Variants in RPS6KC1 observed in about 807,000 individuals in gnomAD.
RPS6KC1 encodes the protein inactive ribosomal protein S6 kinase delta-1.
A neutral mutation model predicts 103.8 loss-of-function variants in RPS6KC1; 54 were observed. That is an observed-to-expected ratio of 0.52 (90% CI 0.42 to 0.65). RPS6KC1 has a LOEUF of 0.65. Among genes scored for constraint, RPS6KC1 ranks in the 30% least tolerant of loss-of-function variants. RPS6KC1 has a pLI of 0.00. For missense variants in RPS6KC1, 1,151 were observed against 1,253.8 expected (o/e 0.92, Z 1.24); for synonymous variants, 439 against 438.7 (o/e 1.00, Z -0.01).
chr1:213,312,768 T>C, the RPS6KC1 span, among the ~76,000 whole-genome samples: 1 of 152,236 alleles, frequency 6.6e-6, no homozygotes, highest in Non-Finnish European at 1.5e-5. Flanking sequence ...GATCCATTAG[T>C]AGCAATTACC....
At chr1:213,188,936 G>A (rs1318951293) in intron 8 of RPS6KC1, among the ~76,000 whole-genome samples, 1 of 151,946 alleles carries the variant, frequency 6.6e-6, no homozygotes, top group Non-Finnish European at 1.5e-5. Flanking sequence ...AAAAGAGTAA[G>A]GTGGGAGAGT....
the RPS6KC1 span, among the ~76,000 whole-genome samples, chr1:213,420,618 T>G: frequency 6.6e-6 from 1 of 152,120 alleles, no homozygotes; most frequent in Non-Finnish European, 1.5e-5. Context: ...AGTTGTCTGC[T>G]TCACGGCCCA....
the RPS6KC1 span, among the ~76,000 whole-genome samples, chr1:213,816,829 T>C: frequency 6.6e-6 from 1 of 152,168 alleles, no homozygotes; most frequent in South Asian, 2.1e-4. Flanking sequence ...CTCATTTTCC[T>C]CAATAGTCAA....
the RPS6KC1 span, among the ~76,000 whole-genome samples, chr1:213,414,816 G>A: frequency 1.4e-5 from 2 of 145,208 alleles, no homozygotes; most frequent in African/African-American, 5.0e-5. Flanking sequence ...TAGTTGGGGG[G>A]CAGGGTGGGG....
At chr1:213,109,281 C>T (rs367924402) in intron 4 of RPS6KC1, among the ~76,000 whole-genome samples, 12 of 151,990 alleles carry the variant, frequency 7.9e-5, no homozygotes, top group Non-Finnish European at 1.6e-4. Context: ...GGATGACAGG[C>T]GCCCGCCAGC....
At chr1:213,454,499 A>T in the RPS6KC1 span, among the ~76,000 whole-genome samples, 1 of 152,228 alleles carries the variant, frequency 6.6e-6, no homozygotes, top group Non-Finnish European at 1.5e-5. Context: ...GGGCACACAC[A>T]GGTGTAATTC....
the RPS6KC1 span, among the ~76,000 whole-genome samples, chr1:213,309,976 C>T: frequency 1.3e-5 from 2 of 152,138 alleles, no homozygotes; most frequent in African/African-American, 4.8e-5. Context: ...TGAGCCACTG[C>T]GCCCAGCAGA....
chr1:213,630,274 GT>G, the RPS6KC1 span, among the ~76,000 whole-genome samples: 5 of 151,902 alleles, frequency 3.3e-5, no homozygotes, highest in African/African-American at 1.2e-4. Context: ...TGGAGGCTTT[GT>G]TTCTTTTTAT....
At chr1:213,633,919 G>C in the RPS6KC1 span, among the ~76,000 whole-genome samples, 2 of 110,948 alleles carry the variant, frequency 1.8e-5, no homozygotes, top group African/African-American at 6.8e-5. Context: ...AAAAAGCAGG[G>C]GTTGCAATCC....
chr1:213,334,418 C>A, the RPS6KC1 span, among the ~76,000 whole-genome samples: 1 of 152,186 alleles, frequency 6.6e-6, no homozygotes, highest in Non-Finnish European at 1.5e-5. Flanking sequence ...TAAGTACTCA[C>A]AGGACTGTGG....
At chr1:213,088,750 C>A (rs1363220562) in intron 3 of RPS6KC1, among the ~76,000 whole-genome samples, 1 of 152,162 alleles carries the variant, frequency 6.6e-6, no homozygotes, top group Non-Finnish European at 1.5e-5. Flanking sequence ...TATTGATACT[C>A]TGATTTAGGA....
At chr1:213,647,056 G>T in the RPS6KC1 span, among the ~76,000 whole-genome samples, 1 of 151,398 alleles carries the variant, frequency 6.6e-6, no homozygotes, top group Non-Finnish European at 1.5e-5. Context: ...CATCACTACC[G>T]CCCGTAATAC....
the RPS6KC1 span, among the ~76,000 whole-genome samples, chr1:213,555,493 C>T: frequency 0.63 from 95,938 of 151,906 alleles, 30,662 homozygotes; most frequent in East Asian, 0.86. Context: ...GACAGGGTCC[C>T]ACTCTGTCAC....
the RPS6KC1 span, among the ~76,000 whole-genome samples, chr1:213,824,284 C>A: frequency 1.1e-4 from 17 of 152,314 alleles, no homozygotes; most frequent in Admixed American, 9.1e-4. Flanking sequence ...TGTTTCCCAG[C>A]CCAGTTGAAG....
At chr1:213,858,387 C>G in the RPS6KC1 span, among the ~76,000 whole-genome samples, 349 of 152,188 alleles carry the variant, frequency 2.3e-3, no homozygotes, top group African/African-American at 7.9e-3. Context: ...TTCTAAGGAC[C>G]ATGATGTGTT....
chr1:213,855,233 T>C, the RPS6KC1 span, among the ~76,000 whole-genome samples: 1 of 152,196 alleles, frequency 6.6e-6, no homozygotes, highest in Non-Finnish European at 1.5e-5. Context: ...CAAAGTCAAA[T>C]GGACACAAAT....
chr1:213,605,968 A>G, the RPS6KC1 span, among the ~76,000 whole-genome samples: 2 of 152,242 alleles, frequency 1.3e-5, no homozygotes, highest in Non-Finnish European at 2.9e-5. Context: ...AGAGCTTGAA[A>G]AGAAGATTGC....
intron 8 of RPS6KC1, among the ~76,000 whole-genome samples, chr1:213,178,751 G>A (rs1430799604): frequency 6.6e-6 from 1 of 151,630 alleles, no homozygotes; most frequent in Non-Finnish European, 1.5e-5. Flanking sequence ...ATCTCATTCT[G>A]TTGCCCAGGC....
At chr1:213,284,704 A>G in the RPS6KC1 span, among the ~76,000 whole-genome samples, 1 of 152,144 alleles carries the variant, frequency 6.6e-6, no homozygotes, top group Admixed American at 6.5e-5. Flanking sequence ...TGAACTAATA[A>G]AAACTAATTC....
Sources: allele counts gnomAD v4.1 joint callset (sites outside exome capture counted in the v4.1 genomes callset), GRCh38; gene constraint gnomAD v4.1.1; transcripts MANE v1.5; gene names NCBI Gene and HGNC (gene_info 2026-07-23, HGNC 2026-07-21).